FOXP1: variants seen among roughly 807,000 people sequenced by gnomAD.
FOXP1 encodes forkhead box P1, also known as forkhead box protein P1.
A neutral mutation model predicts 98.2 loss-of-function variants in FOXP1; 15 were observed. The ratio of observed to expected loss-of-function variants is 0.15; its 90% CI spans 0.10 to 0.24. The LOEUF is 0.24. FOXP1 is among the 10% of genes least tolerant of loss of function. The pLI is 1.00. For synonymous variants in FOXP1, 371 were observed against 314.5 expected (o/e 1.18, Z -1.90); for missense variants, 633 against 848.5 (o/e 0.75, Z 3.15).
chr3:71,024,091 C>G (rs990259800), intron 11 of FOXP1, among the ~76,000 whole-genome samples: 1 of 152,118 alleles, frequency 6.6e-6, no homozygotes, highest in Admixed American at 6.6e-5. Context: ...TTGCAGAAAA[C>G]AGAACGACAG....
intron 5 of FOXP1, chr3:71,296,051 C>G (rs746231411): frequency 1.3e-5 from 2 of 152,150 alleles, no homozygotes; most frequent in African/African-American, 2.4e-5. Flanking sequence ...ATATCACTCC[C>G]GAGTATGATG....
At chr3:71,048,126 C>T (rs1233794182) in intron 9 of FOXP1, among the ~76,000 whole-genome samples, 2 of 151,792 alleles carry the variant, frequency 1.3e-5, no homozygotes, top group African/African-American at 4.9e-5. Flanking sequence ...ACTAACCCTT[C>T]CCAAACTGTA....
intron 3 of FOXP1, among the ~76,000 whole-genome samples, chr3:71,404,367 T>A (rs1167546370): frequency 6.6e-6 from 1 of 150,852 alleles, no homozygotes; most frequent in Non-Finnish European, 1.5e-5. Flanking sequence ...CCTCAGTTGA[T>A]CCGCCCACCT....
At chr3:71,433,966 G>A (rs140057037) in intron 3 of FOXP1, among the ~76,000 whole-genome samples, 6 of 152,300 alleles carry the variant, frequency 3.9e-5, no homozygotes, top group African/African-American at 1.4e-4. Flanking sequence ...AATTGCAATC[G>A]TTTATCTTCA....
chr3:71,418,116 G>T (rs981297659), intron 3 of FOXP1, among the ~76,000 whole-genome samples: 87 of 147,476 alleles, frequency 5.9e-4, no homozygotes, highest in Admixed American at 2.1e-3. Flanking sequence ...TGTGCTTGTG[G>T]GTGTGTGTGT....
chr3:71,541,640 C>T (rs1420572081), intron 2 of FOXP1, among the ~76,000 whole-genome samples: 8 of 151,944 alleles, frequency 5.3e-5, no homozygotes, highest in South Asian at 4.2e-4. Context: ...CAAGAGAATC[C>T]GAGATGCTGG....
chr3:71,211,372 A>C (rs764034883), intron 5 of FOXP1, among the ~76,000 whole-genome samples: 3 of 151,930 alleles, frequency 2.0e-5, no homozygotes, highest in African/African-American at 7.3e-5. Context: ...AAACCGGCTA[A>C]TTTTTGTATT....
intron 12 of FOXP1, among the ~76,000 whole-genome samples, chr3:71,005,314 T>TTA (rs756940858): frequency 4.8e-4 from 12 of 25,260 alleles, no homozygotes; most frequent in South Asian, 7.3e-3. Flanking sequence ...ATACCTGATT[T>TTA]AAAAAAAAAA....
At chr3:71,271,914 C>T (rs1419242893) in intron 5 of FOXP1, among the ~76,000 whole-genome samples, 4 of 152,166 alleles carry the variant, frequency 2.6e-5, no homozygotes, top group African/African-American at 9.7e-5. Flanking sequence ...TTGGTTCTGC[C>T]TCTAGGACAA....
rs775802348 is a variant in FOXP1, at chr3:70,972,510, G to C, written c.1652+45C>G. ...CAAAGCCTCTACGTTATACTTGTTA[G>C]CACAATCCAAGCTAGGCTAAGAAGT... On this transcript the variant is annotated intron_variant, in intron 18 of 20. Transcript: ENST00000649528. The C allele has an allele frequency of 6.2e-6, 10 of 1,613,490 alleles. No homozygotes were observed. In the South Asian group the frequency reaches 9.9e-5, roughly 16 times the overall value.
At chr3:71,225,619 G>A (rs1353120870) in intron 5 of FOXP1, among the ~76,000 whole-genome samples, 1 of 152,138 alleles carries the variant, frequency 6.6e-6, no homozygotes, top group Non-Finnish European at 1.5e-5. Context: ...AAGGTATTTT[G>A]TCTGTCTGTT....
chr3:71,207,996 T>C (rs2064173363), intron 5 of FOXP1, among the ~76,000 whole-genome samples: 1 of 152,236 alleles, frequency 6.6e-6, no homozygotes, highest in Non-Finnish European at 1.5e-5. Flanking sequence ...CTTTTAAAAA[T>C]ACATTATGCA....
At position 71,311,151 on chromosome 3, in the gene FOXP1, C is replaced by A. The variant is rs778947742; in HGVS notation, c.-72-11271G>T. ...CTGGAGTGCAGTGCAGTGGCACGAT[C>A]ATGACTCACTGCAGCCTGGAACTAA... On this transcript the variant is annotated intron_variant, in intron 4 of 20. Coordinates refer to ENST00000649528, the MANE Select transcript of FOXP1 (RefSeq NM_001349338.3). Among the ~76,000 whole-genome samples, 14 of 152,312 alleles carry A rather than the reference C, an allele frequency of 9.2e-5. 1 individual carries two copies. Among genetic ancestry groups the A allele is most frequent in the South Asian group, 2.1e-4 (1 of 4,830 alleles).
intron 5 of FOXP1, among the ~76,000 whole-genome samples, chr3:71,229,858 A>G (rs1003028556): frequency 6.6e-6 from 1 of 152,196 alleles, no homozygotes; most frequent in African/African-American, 2.4e-5. Flanking sequence ...CTGACAGAGG[A>G]GCCCATTCTG....
At chr3:71,415,116 G>C (rs2083109373) in intron 3 of FOXP1, among the ~76,000 whole-genome samples, 1 of 152,172 alleles carries the variant, frequency 6.6e-6, no homozygotes, top group Non-Finnish European at 1.5e-5. Context: ...CGGGCATTCT[G>C]AAGAAAGAAA....
intron 4 of FOXP1, 70 bp downstream of exon 4, chr3:71,359,080 A>G (rs1407303592): frequency 6.6e-6 from 1 of 152,142 alleles, no homozygotes; most frequent in Non-Finnish European, 1.5e-5. Context: ...TATATCGACC[A>G]CTGGGTCCCC....
chr3:71,439,597 A>G (rs1370145291), intron 3 of FOXP1, among the ~76,000 whole-genome samples: 1 of 152,192 alleles, frequency 6.6e-6, no homozygotes, highest in Non-Finnish European at 1.5e-5. Context: ...TGTCCAGCAA[A>G]GGATGGATAA....
At chr3:71,396,525 C>T (rs1285624071) in intron 3 of FOXP1, among the ~76,000 whole-genome samples, 3 of 151,936 alleles carry the variant, frequency 2.0e-5, no homozygotes, top group Non-Finnish European at 2.9e-5. Flanking sequence ...AGGCTTGTCC[C>T]GTGGGAACAA....
chr3:71,312,343 G>A (rs777513505), intron 4 of FOXP1, among the ~76,000 whole-genome samples: 7 of 152,140 alleles, frequency 4.6e-5, no homozygotes, highest in Non-Finnish European at 8.8e-5. Context: ...AGGCAGCAGG[G>A]TGGAGGTATA....
Sources: allele counts gnomAD v4.1 joint callset (sites outside exome capture counted in the v4.1 genomes callset), GRCh38; gene constraint gnomAD v4.1.1; transcripts MANE v1.5; gene names NCBI Gene and HGNC (gene_info 2026-07-23, HGNC 2026-07-21).